Variants in NOX1 observed in about 807,000 individuals in gnomAD.
NOX1 encodes the protein NADPH oxidase 1, also known as NADH/NADPH mitogenic oxidase subunit P65-MOX.
In NOX1, 34 loss-of-function variants were observed where a neutral mutation model predicts 42.5. The ratio of observed to expected loss-of-function variants is 0.80; its 90% CI spans 0.61 to 1.07. The LOEUF (loss-of-function observed/expected upper bound fraction) is 1.07, where lower values mean the gene tolerates loss of function less well. Among genes scored for constraint, NOX1 ranks in the 50% least tolerant of loss-of-function variants. The probability of loss-of-function intolerance (pLI) is 0.00; values close to 1 mark genes in which losing one functional copy is unlikely to be tolerated. For missense variants in NOX1, 408 were observed against 427.0 expected (o/e 0.96, Z 0.39); for synonymous variants, 143 against 152.5 (o/e 0.94, Z 0.46).
chrX:100,860,556 T>C (rs1268490736), intron 7 of NOX1, among the ~76,000 whole-genome samples: 1 of 111,948 alleles, frequency 8.9e-6, no homozygotes, highest in Admixed American at 9.5e-5. Context: ...CATCATTTCA[T>C]ATATTTAAGA....
intron 2 of NOX1, among the ~76,000 whole-genome samples, chrX:100,863,963 C>CAGATAT (rs72563175): frequency 0.042 from 4,647 of 110,704 alleles, 168 homozygotes; most frequent in African/African-American, 0.11. Context: ...TCCTAAGGAT[C>CAGATAT]AGATATAGAT....
At chrX:100,871,832 T>A (rs1277912860) in intron 1 of NOX1, among the ~76,000 whole-genome samples, 1 of 111,929 alleles carries the variant, frequency 8.9e-6, no homozygotes, top group African/African-American at 3.3e-5. Context: ...TCAGACTCCC[T>A]AGATCTAGAC....
chrX:100,850,214 G>C lies in NOX1; in HGVS notation c.1070C>G (p.Ala357Gly), dbSNP rs2085104400. 2 of 1,209,769 alleles carry C rather than the reference G, an allele frequency of 1.7e-6. No homozygotes were observed. Among genetic ancestry groups the C allele is most frequent in the African/African-American group, 3.5e-5 (2 of 57,206 alleles). The change falls in exon 9 of 13, where the codon GCA becomes GGA. Residue 357 changes from alanine to glycine, a missense_variant. Physicochemically the swap from Ala to Gly is moderately conservative, Grantham distance 60. Transcript: ENST00000372966. ...GAGATTTTCTGTCCAGTCCCCTGCT[G>C]CTCGGATATGAATGGAGAAGAAATC... ...EEDFFSIHIR[A>G]AGDWTENLIR... is the part of the protein sequence containing the mutation.
intron 7 of NOX1, among the ~76,000 whole-genome samples, chrX:100,852,044 A>G: frequency 8.8e-6 from 1 of 113,016 alleles, no homozygotes; most frequent in African/African-American, 3.2e-5. Flanking sequence ...CAAAACAAAC[A>G]CAAAAAAGGG....
chrX:100,862,869 A>G, intron 4 of NOX1, 49 bp from the exon 5 acceptor site: 1 of 1,093,669 alleles, frequency 9.1e-7, no homozygotes, highest in South Asian at 1.9e-5. Flanking sequence ...CAGCAACATC[A>G]TGGCAGGTGT....
chrX:100,863,562 A>G lies in NOX1; in HGVS notation c.175T>C (p.Cys59Arg). The part of the protein sequence containing the change: ...TLACARASAL[C>R]LNFNSTLILL... ...ATCAGCGTGCTGTTAAAATTCAAGC[A>G]GAGAGCAGACGCTCGGGCACAGGCC... The change falls in exon 3 of 13, where the codon TGC (cysteine) becomes CGC (arginine). Residue 59 changes from cysteine to arginine, a missense_variant. By Grantham distance (180) the Cys-to-Arg change is radical. Transcript: ENST00000372966. The G allele has an allele frequency of 2.5e-6, 3 of 1,211,158 alleles. No homozygotes were observed. Among genetic ancestry groups the G allele is most frequent in the Non-Finnish European group, 3.4e-6 (3 of 895,413 alleles).
intron 7 of NOX1, among the ~76,000 whole-genome samples, chrX:100,855,064 A>G (rs1340286807): frequency 8.9e-6 from 1 of 112,256 alleles, no homozygotes; most frequent in Non-Finnish European, 1.9e-5. Context: ...AATGCTTTAC[A>G]CTTTCCATAG....
intron 1 of NOX1, among the ~76,000 whole-genome samples, chrX:100,873,347 G>C (rs1210863144): frequency 9.0e-6 from 1 of 111,430 alleles, no homozygotes; most frequent in Non-Finnish European, 1.9e-5. Flanking sequence ...TTCATTGTGT[G>C]ACATCTAGGT....
Position 100,862,964 on chromosome X carries a change from C to T in NOX1, c.338-144G>A, listed in dbSNP as rs1458368390. On this transcript the variant is annotated intron_variant, in intron 4 of 12. Transcript: ENST00000372966. The stretch of plus-strand genomic sequence containing the variant: ...AAGGTGCCCAATAAACCCTCGATTG[C>T]GGAGAGATCTTTTTTATATTTACTC... 25 of 628,574 alleles carry T rather than the reference C, an allele frequency of 4.0e-5. 1 individual carries two copies. The highest frequency in any genetic ancestry group is 3.6e-4 in the Middle Eastern group (1 of 2,771). 51.8% of individuals were successfully genotyped at this position (628,574 alleles called of 1,213,427 possible).
At chrX:100,870,112 T>A (rs775334600) in intron 2 of NOX1, among the ~76,000 whole-genome samples, 3 of 105,340 alleles carry the variant, frequency 2.8e-5, no homozygotes, top group African/African-American at 6.9e-5. Flanking sequence ...AGGATATTGG[T>A]CTAAAATTCT....
chrX:100,862,708 C>T lies in NOX1; in HGVS notation c.450G>A (p.Lys150=). 8.4e-7 allele frequency: 1 copy of T among 1,196,405 alleles called. No individual in the cohort carries two copies. Among genetic ancestry groups the T allele is most frequent in the Non-Finnish European group, 1.1e-6 (1 of 891,107 alleles). Residue 150 remains lysine, a synonymous_variant, in exon 5 of 13, where the codon AAG becomes AAA. Transcript: ENST00000372966. Reference sequence around the variant, plus strand: ...GGATGGGATTTAGCCAAGAACCCCCCTTTTTCTCATCATGAGATAGGCTGG... The same window carrying T: ...GGATGGGATTTAGCCAAGAACCCCCTTTTTTCTCATCATGAGATAGGCTGG... ...ILSSLSHDEK[K]GGSWLNPIQS...
chrX:100,863,588 A>T lies in NOX1; in HGVS notation c.149T>A (p.Leu50Ter). 1 of 1,208,953 alleles carries T rather than the reference A, an allele frequency of 8.3e-7. No homozygotes were observed. Among genetic ancestry groups the T allele is most frequent in the East Asian group, 3.0e-5 (1 of 33,717 alleles). ...GAGAGCAGACGCTCGGGCACAGGCC[A>T]ATGTTGACTACAGCAGAGGAGAAAA... is the stretch of plus-strand genomic sequence containing the variant. Reference protein sequence around the residue: ...YYTRKILGSTLACARASALCL... With the variant: ...YYTRKILGST Residue 50 changes from leucine to a stop codon, truncating the protein, a stop_gained, in exon 3 of 13, where the codon TTG becomes TAG. Coordinates refer to ENST00000372966, the MANE Select transcript of NOX1 (RefSeq NM_007052.5). LOFTEE classifies it high-confidence loss of function.
chrX:100,853,294 CT>C (rs760756309), intron 7 of NOX1, among the ~76,000 whole-genome samples: 1 of 56,834 alleles, frequency 1.8e-5, no homozygotes, highest in Non-Finnish European at 3.5e-5. Flanking sequence ...TTCTTTCTTT[CT>C]TTCTTTCTTT....
chrX:100,860,470 A>G (rs766590354), intron 7 of NOX1, among the ~76,000 whole-genome samples: 82 of 111,520 alleles, frequency 7.4e-4, no homozygotes, highest in Non-Finnish European at 1.3e-3. Flanking sequence ...AGGTTTTTTA[A>G]TCTTTGCTAA....
At chrX:100,853,242 TTTCCTTCCTTCC>T (rs746546716) in intron 7 of NOX1, among the ~76,000 whole-genome samples, 3,400 of 57,132 alleles carry the variant, frequency 0.06, 293 homozygotes, top group Admixed American at 0.083. Flanking sequence ...TTTTTCTTTC[TTTCCTTCCTTCC>T]TTCCTTCCTT....
intron 12 of NOX1, among the ~76,000 whole-genome samples, chrX:100,847,984 T>C (rs1179275266): frequency 9.0e-6 from 1 of 110,548 alleles, no homozygotes; most frequent in Non-Finnish European, 1.9e-5. Context: ...TTACTTTAAG[T>C]AGAGATTATT....
At chrX:100,872,596 C>T (rs1343312431) in intron 1 of NOX1, among the ~76,000 whole-genome samples, 2 of 111,190 alleles carry the variant, frequency 1.8e-5, no homozygotes, top group African/African-American at 6.5e-5. Flanking sequence ...AAATTCAAAG[C>T]TAGAGAGTTA....
intron 7 of NOX1, among the ~76,000 whole-genome samples, chrX:100,856,831 C>T (rs756139420): frequency 8.9e-6 from 1 of 111,786 alleles, no homozygotes; most frequent in South Asian, 3.8e-4. Flanking sequence ...CCTCAGCCTC[C>T]CAAAGTGCTG....
chrX:100,862,044 A>G, intron 7 of NOX1, 127 bp downstream of exon 7: 1 of 768,961 alleles, frequency 1.3e-6, no homozygotes, highest in African/African-American at 2.1e-5. Flanking sequence ...CCCCATAGAT[A>G]TCCTTCATAA....
Sources: allele counts gnomAD v4.1 joint callset (sites outside exome capture counted in the v4.1 genomes callset), GRCh38; gene constraint gnomAD v4.1.1; transcripts MANE v1.5; gene names NCBI Gene and HGNC (gene_info 2026-07-23, HGNC 2026-07-21).